DLG2: variants seen among roughly 807,000 people sequenced by gnomAD.
DLG2 encodes discs large MAGUK scaffold protein 2, also known as disks large homolog 2.
Under a neutral mutation model 132.5 loss-of-function variants are expected in DLG2, and 45 were observed. The observed-to-expected ratio is 0.34, with a 90% CI of 0.27 to 0.44. The LOEUF is 0.44. Among genes scored for constraint, DLG2 ranks in the 20% least tolerant of loss-of-function variants. The probability of loss-of-function intolerance (pLI) is 1.00; values close to 1 mark genes in which losing one functional copy is unlikely to be tolerated. For missense variants in DLG2, 1,045 were observed against 1,196.9 expected (o/e 0.87, Z 1.87); for synonymous variants, 424 against 419.6 (o/e 1.01, Z -0.13).
chr11:83,612,539 A>T (rs1038351196), intron 19 of DLG2, among the ~76,000 whole-genome samples: 2 of 152,174 alleles, frequency 1.3e-5, no homozygotes, highest in African/African-American at 4.8e-5. Context: ...TCACCCCAGG[A>T]GTATGAGAAA....
At chr11:83,808,961 C>A (rs1029926427) in intron 17 of DLG2, among the ~76,000 whole-genome samples, 1 of 152,172 alleles carries the variant, frequency 6.6e-6, no homozygotes, top group South Asian at 2.1e-4. Flanking sequence ...CTTTCCTCTG[C>A]GGCTGGGCTG....
At chr11:83,883,556 CTT>C (rs1649797511) in intron 15 of DLG2, among the ~76,000 whole-genome samples, 1 of 152,178 alleles carries the variant, frequency 6.6e-6, no homozygotes, top group Non-Finnish European at 1.5e-5. Context: ...ATGAAAAACT[CTT>C]TGCTTTAAAG....
chr11:83,940,754 C>G (rs2082469583), intron 14 of DLG2, among the ~76,000 whole-genome samples: 1 of 152,210 alleles, frequency 6.6e-6, no homozygotes, highest in African/African-American at 2.4e-5. Context: ...AAGTCCGGCC[C>G]TATTCCTTTA....
At chr11:84,066,784 A>T (rs1461452221) in intron 10 of DLG2, among the ~76,000 whole-genome samples, 1 of 152,090 alleles carries the variant, frequency 6.6e-6, no homozygotes, top group Non-Finnish European at 1.5e-5. Flanking sequence ...AAGTAAAAAA[A>T]GGTAGATGTT....
At chr11:85,039,637 T>C (rs1018791445) in intron 6 of DLG2, among the ~76,000 whole-genome samples, 17 of 151,812 alleles carry the variant, frequency 1.1e-4, no homozygotes, top group Admixed American at 2.0e-4. Flanking sequence ...ATGTTAACCA[T>C]GATGTTGGGG....
At chr11:84,645,680 G>C (rs1019622341) in intron 6 of DLG2, among the ~76,000 whole-genome samples, 27 of 152,148 alleles carry the variant, frequency 1.8e-4, no homozygotes, top group Non-Finnish European at 1.5e-5. Flanking sequence ...TGTTAGCCAG[G>C]ATGGTCTCGA....
At chr11:85,480,043 G>A (rs1434984418) in intron 3 of DLG2, among the ~76,000 whole-genome samples, 5 of 152,144 alleles carry the variant, frequency 3.3e-5, no homozygotes, top group Non-Finnish European at 7.4e-5. Context: ...CATGAATTTT[G>A]TGGGGGAGGG....
In DLG2 at chr11:84,397,618, G is replaced by T. The variant is rs73523716; in HGVS notation, c.519+136952C>A. On this transcript the variant is annotated intron_variant, in intron 7 of 27. Coordinates refer to ENST00000376104, the MANE Select transcript of DLG2 (RefSeq NM_001142699.3). ...AGTGACAAAAATGGAAGGAGCAGAG[G>T]TTTCTGCATGACTATGTGGTCAACA... Among the ~76,000 whole-genome samples, 206 of 152,306 alleles carry T rather than the reference G, an allele frequency of 1.4e-3. 1 individual carries two copies. The highest frequency in any genetic ancestry group is 4.7e-3 in the African/African-American group (196 of 41,568).
intron 6 of DLG2, among the ~76,000 whole-genome samples, chr11:84,920,333 T>C (rs1247150680): frequency 6.6e-6 from 1 of 152,180 alleles, no homozygotes; most frequent in African/African-American, 2.4e-5. Context: ...CAGCATGCCT[T>C]CCTTACTCCA....
intron 11 of DLG2, among the ~76,000 whole-genome samples, chr11:84,029,217 A>T (rs1420650489): frequency 6.6e-6 from 1 of 152,136 alleles, no homozygotes; most frequent in Non-Finnish European, 1.5e-5. Flanking sequence ...GCCAGAAATA[A>T]AAGAAAATGC....
chr11:84,923,599 AC>A, intron 6 of DLG2: 1 of 990,514 alleles, frequency 1.0e-6, no homozygotes, highest in Non-Finnish European at 1.2e-6. Flanking sequence ...TGAAGAGGAA[AC>A]CCTTCTTCCT....
chr11:84,720,998 CCT>C (rs2061769248), intron 6 of DLG2: 2 of 152,254 alleles, frequency 1.3e-5, no homozygotes, highest in African/African-American at 4.8e-5. Flanking sequence ...CCAGACTGGC[CCT>C]GCCTTTGGGC....
At chr11:85,280,945 G>A (rs1595911824) in intron 4 of DLG2, among the ~76,000 whole-genome samples, 1 of 151,814 alleles carries the variant, frequency 6.6e-6, no homozygotes, top group African/African-American at 2.4e-5. Flanking sequence ...ACACAGAATA[G>A]CCATATTATG....
At chr11:85,383,880 C>A (rs2086106627) in intron 3 of DLG2, among the ~76,000 whole-genome samples, 1 of 152,146 alleles carries the variant, frequency 6.6e-6, no homozygotes, top group Non-Finnish European at 1.5e-5. Flanking sequence ...GCCTTGAAAA[C>A]ACCTCAGGCT....
intron 6 of DLG2, among the ~76,000 whole-genome samples, chr11:85,078,781 C>G (rs2066874306): frequency 6.6e-6 from 1 of 152,048 alleles, no homozygotes; most frequent in Non-Finnish European, 1.5e-5. Flanking sequence ...AATTCATCCA[C>G]TGGATTTGTC....
intron 3 of DLG2, among the ~76,000 whole-genome samples, chr11:85,286,670 ACAT>A (rs2078577626): frequency 6.6e-6 from 1 of 152,122 alleles, no homozygotes; most frequent in Non-Finnish European, 1.5e-5. Context: ...ATGTATCTGG[ACAT>A]TTCCCAGCTT....
At chr11:85,140,255 T>C (rs2076380283) in intron 5 of DLG2, among the ~76,000 whole-genome samples, 1 of 151,978 alleles carries the variant, frequency 6.6e-6, no homozygotes, top group South Asian at 2.1e-4. Flanking sequence ...CCATAATGGC[T>C]GTACCAATCT....
intron 6 of DLG2, among the ~76,000 whole-genome samples, chr11:84,582,601 C>T (rs1340881304): frequency 6.6e-6 from 1 of 151,208 alleles, no homozygotes; most frequent in Non-Finnish European, 1.5e-5. Context: ...ACCATAATTA[C>T]ATGTTGACAA....
At chr11:84,654,361 T>A (rs2099685652) in intron 6 of DLG2, among the ~76,000 whole-genome samples, 1 of 152,194 alleles carries the variant, frequency 6.6e-6, no homozygotes, top group African/African-American at 2.4e-5. Flanking sequence ...TCTAAAGCAT[T>A]CATAAATGTT....
Sources: allele counts gnomAD v4.1 joint callset (sites outside exome capture counted in the v4.1 genomes callset), GRCh38; gene constraint gnomAD v4.1.1; transcripts MANE v1.5; gene names NCBI Gene and HGNC (gene_info 2026-07-23, HGNC 2026-07-21).